The following ABCA13 variants were observed in gnomAD, a reference collection of about 807,000 sequenced individuals.
ABCA13 encodes the protein ATP binding cassette subfamily A member 13.
A neutral mutation model predicts 478.7 loss-of-function variants in ABCA13; 476 were observed. The ratio of observed to expected loss-of-function variants is 0.99; its 90% CI spans 0.92 to 1.07. The LOEUF (loss-of-function observed/expected upper bound fraction) is 1.07. Ranked by LOEUF, ABCA13 falls within the 50% of genes least tolerant of loss-of-function variation. The pLI is 0.00. For missense variants in ABCA13, 6,060 were observed against 5,910.6 expected, an observed-to-expected ratio of 1.03 and a Z score of -0.83; for synonymous variants, 2,252 against 2,158.9, an observed-to-expected ratio of 1.04 and a Z score of -1.20.
rs147501647 is a variant in ABCA13, at chr7:48,361,682, T to C, written c.10689-6112T>C. Among the ~76,000 whole-genome samples, 17 of 151,910 alleles carry C rather than the reference T, an allele frequency of 1.1e-4. 2 individuals carry two copies. The highest frequency in any genetic ancestry group is 4.1e-4 in the African/African-American group (17 of 41,336). On this transcript the variant is annotated intron_variant, in intron 31 of 61. Coordinates refer to ENST00000435803, the MANE Select transcript of ABCA13 (RefSeq NM_152701.5). ...AATATATTTAACATAAGGTAATGACTGTTCTTTCAACTCCTACCTTATATC... is the reference window on the plus strand; with the variant it reads ...AATATATTTAACATAAGGTAATGACCGTTCTTTCAACTCCTACCTTATATC...
intron 45 of ABCA13, among the ~76,000 whole-genome samples, chr7:48,475,156 T>A (rs1044352127): frequency 3.3e-5 from 5 of 152,288 alleles, no homozygotes; most frequent in East Asian, 1.9e-4. Flanking sequence ...TGTTTCGGGA[T>A]GCACTTTGAG....
chr7:48,372,905 A>G (rs752992616), intron 33 of ABCA13, among the ~76,000 whole-genome samples: 3 of 152,236 alleles, frequency 2.0e-5, no homozygotes, highest in African/African-American at 2.4e-5. Flanking sequence ...TCTGTTAGCA[A>G]TGTCAGAGTC....
intron 38 of ABCA13, 127 bp downstream of exon 38, chr7:48,392,266 G>A: frequency 2.2e-6 from 2 of 904,202 alleles, no homozygotes; most frequent in East Asian, 2.6e-5. Flanking sequence ...ATTAGCAAAT[G>A]GTTGTTAACT....
chr7:48,360,611 A>G (rs1459194597), intron 31 of ABCA13, among the ~76,000 whole-genome samples: 1 of 152,002 alleles, frequency 6.6e-6, no homozygotes, highest in Non-Finnish European at 1.5e-5. Context: ...CACACTTAAT[A>G]TCCTGTTCCA....
At chr7:48,179,239 T>A (rs899439546) in intron 1 of ABCA13, among the ~76,000 whole-genome samples, 3 of 152,202 alleles carry the variant, frequency 2.0e-5, no homozygotes, top group African/African-American at 4.8e-5. Context: ...CCTCAAGTGT[T>A]ATTTTTATGA....
At chr7:48,417,950 T>G (rs6948188) in intron 41 of ABCA13, among the ~76,000 whole-genome samples, 19 of 152,184 alleles carry the variant, frequency 1.2e-4, no homozygotes, top group African/African-American at 4.3e-4. Flanking sequence ...AGCCTTTCCA[T>G]TTTGGCTTCT....
At position 48,481,167 on chromosome 7, in the gene ABCA13, C is replaced by G. The variant is rs377318548; in HGVS notation, c.13094+13C>G. On this transcript the variant is annotated intron_variant, in intron 46 of 61. Coordinates refer to ENST00000435803, the MANE Select transcript of ABCA13 (RefSeq NM_152701.5). The stretch of plus-strand genomic sequence containing the variant: ...CTGAAAAACCAAGGTGTGTTCAATA[C>G]TCTTGTTGGGTCTTTACTTGTTTGG... 3.9e-6 allele frequency: 6 copies of G among 1,530,070 alleles called. No homozygotes were observed. The Admixed American group carries it at 5.7e-5, about 14-fold the overall frequency. The allele number at this position is 1,530,070 out of a possible 1,614,324, so 94.8% of individuals were successfully genotyped here.
In ABCA13 at chr7:48,481,049, G is replaced by A; in HGVS notation, c.12989G>A (p.Arg4330Lys). 1.9e-6 allele frequency: 3 copies of A among 1,594,134 alleles called. No homozygotes were observed. The highest frequency in any genetic ancestry group is 2.6e-6 in the Non-Finnish European group (3 of 1,169,498). ...DSCGCLKCPN[R>K]SASAPYLTNH... ...AAACAATTTCAGAAGTGTCCAAATA[G>A]AAGTGCTAGTGCTCCCTACCTGACC... Residue 4330 changes from arginine to lysine, a missense_variant, in exon 46 of 62, where the codon AGA becomes AAA. By Grantham distance (26) the Arg-to-Lys change is conservative. This residue lies in a region of ABCA13 where 1,627 missense variants were observed against 1,571.0 expected (regional missense o/e 1.04). Coordinates refer to ENST00000435803, the MANE Select transcript of ABCA13 (RefSeq NM_152701.5).
At position 48,274,853 on chromosome 7, in the gene ABCA13, G is replaced by T. The variant is rs765410144; in HGVS notation, c.5187G>T (p.Leu1729=). Residue 1729 remains leucine (L), a synonymous_variant, in exon 17 of 62, where the codon CTG becomes CTT. Transcript: ENST00000435803. ...SSHSWNVNHL[L]QLSRLFPKDV... is the part of the protein sequence containing the mutation. ...ATTCTTGGAATGTTAATCATCTGCTGCAGCTCTCACGCCTGTTTCCTAAAG... is the reference window on the plus strand; with the variant it reads ...ATTCTTGGAATGTTAATCATCTGCTTCAGCTCTCACGCCTGTTTCCTAAAG... 3 of 1,613,848 alleles carry T rather than the reference G, an allele frequency of 1.9e-6. No individual in the cohort carries two copies. Among genetic ancestry groups the T allele is most frequent in the Admixed American group, 1.7e-5 (1 of 59,994 alleles).
intron 55 of ABCA13, among the ~76,000 whole-genome samples, 189 bp from the exon 56 acceptor site, chr7:48,580,035 C>CA (rs780338304): frequency 1.3e-5 from 2 of 152,142 alleles, no homozygotes. Flanking sequence ...ATCCATATGC[C>CA]AAAGAGGCCT....
intron 31 of ABCA13, among the ~76,000 whole-genome samples, chr7:48,359,185 C>T (rs903157477): frequency 8.6e-5 from 13 of 151,976 alleles, no homozygotes; most frequent in Admixed American, 3.9e-4. Flanking sequence ...TGAGGGGCAA[C>T]GCCAGGCACT....
At chr7:48,330,485 GTCCATCCA>G (rs374882823) in intron 27 of ABCA13, among the ~76,000 whole-genome samples, 83 of 134,982 alleles carry the variant, frequency 6.1e-4, no homozygotes, top group Middle Eastern at 4.7e-3. Flanking sequence ...CCATCCATCC[GTCCATCCA>G]TCCATCCATC....
chr7:48,296,023 AT>A (rs1420850106), intron 21 of ABCA13, among the ~76,000 whole-genome samples, 160 bp downstream of exon 21: 1 of 152,212 alleles, frequency 6.6e-6, no homozygotes, highest in Non-Finnish European at 1.5e-5. Context: ...TTCCATGACA[AT>A]TTTTGAGTGG....
intron 23 of ABCA13, 111 bp downstream of exon 23, chr7:48,298,598 G>C (rs115404783): frequency 7.8e-7 from 1 of 1,280,458 alleles, no homozygotes; most frequent in Non-Finnish European, 1.0e-6. Flanking sequence ...CCTTTGGCTA[G>C]TGTAGTGGGT....
At chr7:48,197,706 A>G (rs964162584) in intron 2 of ABCA13, among the ~76,000 whole-genome samples, 3 of 151,768 alleles carry the variant, frequency 2.0e-5, no homozygotes, top group African/African-American at 4.8e-5. Flanking sequence ...AGAGGTGGCT[A>G]TTTTGTAGTG....
At chr7:48,531,426 A>T (rs1433360321) in intron 55 of ABCA13, among the ~76,000 whole-genome samples, 1 of 152,104 alleles carries the variant, frequency 6.6e-6, no homozygotes, top group Non-Finnish European at 1.5e-5. Context: ...AGGTAATGTG[A>T]TGCCTCCAGG....
At chr7:48,524,164 A>T in intron 53 of ABCA13, 84 bp from the exon 54 acceptor site, 1 of 1,314,978 alleles carries the variant, frequency 7.6e-7, no homozygotes, top group Non-Finnish European at 1.0e-6. Context: ...TCAATTTTTT[A>T]CAAATCTCTG....
At chr7:48,322,895 A>G (rs763442148) in intron 27 of ABCA13, among the ~76,000 whole-genome samples, 6 of 152,072 alleles carry the variant, frequency 3.9e-5, no homozygotes, top group Non-Finnish European at 7.4e-5. Context: ...TCTGTTCTCT[A>G]TCACTATAGG....
chr7:48,461,208 G>C (rs1161399136), intron 43 of ABCA13, among the ~76,000 whole-genome samples: 1 of 152,176 alleles, frequency 6.6e-6, no homozygotes, highest in Non-Finnish European at 1.5e-5. Flanking sequence ...CTCACCAGCA[G>C]GCTCTTGGAA....
Sources: gnomAD v4.1 joint callset for allele counts (sites outside exome capture counted in the v4.1 genomes callset) on GRCh38, gnomAD v4.1.1 for gene constraint, gnomAD v4.1.1 regional missense constraint, MANE v1.5 for transcripts, NCBI Gene and HGNC (gene_info 2026-07-23, HGNC 2026-07-21) for gene names.